KCNIP4: variants seen among roughly 807,000 people sequenced by gnomAD.
KCNIP4 encodes the protein potassium voltage-gated channel interacting protein 4, also known as Kv channel-interacting protein 4.
A neutral mutation model predicts 34.0 loss-of-function variants in KCNIP4; 12 were observed. That is an observed-to-expected ratio of 0.35 (90% confidence interval 0.23 to 0.57). KCNIP4 has a LOEUF of 0.57. Ranked by LOEUF, KCNIP4 falls within the 20% of genes least tolerant of loss-of-function variation. KCNIP4 has a pLI of 0.83. For synonymous variants in KCNIP4, 124 were observed against 102.2 expected (o/e 1.21, Z -1.29); for missense variants, 238 against 311.7 (o/e 0.76, Z 1.78).
At chr4:21,620,605 T>C (rs1455306523) in intron 1 of KCNIP4, among the ~76,000 whole-genome samples, 3 of 152,192 alleles carry the variant, frequency 2.0e-5, no homozygotes, top group South Asian at 2.1e-4. Context: ...GTTAACTGAA[T>C]AGAAAGAAAA....
intron 1 of KCNIP4, among the ~76,000 whole-genome samples, chr4:21,484,005 CTTT>C (rs35586015): frequency 6.8e-6 from 1 of 147,240 alleles, no homozygotes; most frequent in Admixed American, 6.8e-5. Flanking sequence ...CCAATTAAAC[CTTT>C]TTTTTTTTTA....
intron 1 of KCNIP4, among the ~76,000 whole-genome samples, chr4:21,821,374 A>AG (rs1722345534): frequency 6.6e-6 from 1 of 152,116 alleles, no homozygotes; most frequent in Non-Finnish European, 1.5e-5. Flanking sequence ...AGGTCACTGA[A>AG]TTTTTCCACC....
chr4:21,249,966 AT>A (rs1425206443), intron 1 of KCNIP4, among the ~76,000 whole-genome samples: 1 of 152,080 alleles, frequency 6.6e-6, no homozygotes, highest in African/African-American at 2.4e-5. Context: ...GACAAAGCTT[AT>A]TTCTGTGTAT....
intron 1 of KCNIP4, among the ~76,000 whole-genome samples, chr4:21,399,124 G>A (rs1389441992): frequency 6.6e-6 from 1 of 152,220 alleles, no homozygotes; most frequent in African/African-American, 2.4e-5. Flanking sequence ...AACCTAGATT[G>A]TAGGGAACTA....
intron 1 of KCNIP4, among the ~76,000 whole-genome samples, chr4:21,751,965 G>A (rs1423817592): frequency 6.6e-6 from 1 of 152,152 alleles, no homozygotes; most frequent in Admixed American, 6.5e-5. Flanking sequence ...TCTGCAGGTG[G>A]TATAAACACC....
At chr4:21,904,621 A>G (rs1157394597) in intron 1 of KCNIP4, among the ~76,000 whole-genome samples, 4 of 152,226 alleles carry the variant, frequency 2.6e-5, no homozygotes, top group Admixed American at 2.6e-4. Context: ...AGAAGACATA[A>G]ACTTTCTAAG....
At chr4:21,722,308 T>C (rs1215488749) in intron 1 of KCNIP4, among the ~76,000 whole-genome samples, 1 of 152,096 alleles carries the variant, frequency 6.6e-6, no homozygotes, top group Non-Finnish European at 1.5e-5. Context: ...TAGCCACACT[T>C]TAGGCATGTG....
At chr4:21,682,796 G>A (rs994728832) in intron 1 of KCNIP4, among the ~76,000 whole-genome samples, 3 of 152,194 alleles carry the variant, frequency 2.0e-5, no homozygotes, top group Non-Finnish European at 4.4e-5. Flanking sequence ...TAGCTGGTCA[G>A]TGTAGCAGTC....
At chr4:21,076,838 G>A (rs540882042) in intron 1 of KCNIP4, among the ~76,000 whole-genome samples, 2 of 152,142 alleles carry the variant, frequency 1.3e-5, no homozygotes, top group South Asian at 4.1e-4. Flanking sequence ...AAGAAGTGTT[G>A]GGGGCTGGGT....
chr4:21,494,994 T>C (rs78812979), intron 1 of KCNIP4, among the ~76,000 whole-genome samples: 2,966 of 152,184 alleles, frequency 0.019, 96 homozygotes, highest in East Asian at 0.12. Context: ...GAAAAAAAGA[T>C]AACCAAAGAA....
At chr4:20,963,728 C>A (rs76872197) in intron 1 of KCNIP4, among the ~76,000 whole-genome samples, 7 of 152,110 alleles carry the variant, frequency 4.6e-5, no homozygotes, top group African/African-American at 1.7e-4. Flanking sequence ...TTAAGGATAA[C>A]TGAGCTCAGA....
chr4:20,952,556 G>A (rs1431849817), intron 1 of KCNIP4, among the ~76,000 whole-genome samples: 3 of 152,054 alleles, frequency 2.0e-5, no homozygotes, highest in African/African-American at 4.8e-5. Flanking sequence ...AACCATGTAA[G>A]GTTGAGAAAT....
At chr4:21,661,019 C>A (rs1467787584) in intron 1 of KCNIP4, among the ~76,000 whole-genome samples, 3 of 151,984 alleles carry the variant, frequency 2.0e-5, no homozygotes. Flanking sequence ...CTATTCTGTG[C>A]CCATATAAAC....
intron 2 of KCNIP4, among the ~76,000 whole-genome samples, chr4:20,859,096 G>T (rs960561193): frequency 2.0e-4 from 31 of 152,146 alleles, no homozygotes; most frequent in Non-Finnish European, 2.1e-4. Flanking sequence ...TCTTTCCAGG[G>T]AAAATATGCC....
intron 1 of KCNIP4, among the ~76,000 whole-genome samples, chr4:20,897,121 G>C (rs1462840499): frequency 6.6e-6 from 1 of 151,550 alleles, no homozygotes; most frequent in Non-Finnish European, 1.5e-5. Context: ...ATATTGTCCA[G>C]TTTTTGTTTC....
chr4:21,413,749 G>A (rs1195144799), intron 1 of KCNIP4, among the ~76,000 whole-genome samples: 3 of 152,150 alleles, frequency 2.0e-5, no homozygotes, highest in Non-Finnish European at 4.4e-5. Context: ...CCTTTACCCT[G>A]GTTCTTATTT....
chr4:20,899,259 A>G (rs1438270412), intron 1 of KCNIP4, among the ~76,000 whole-genome samples: 4 of 152,206 alleles, frequency 2.6e-5, no homozygotes, highest in Non-Finnish European at 5.9e-5. Context: ...AATCAGGGAC[A>G]ACAAATCAAT....
At chr4:21,697,508 AAG>A (rs1209425487) in intron 1 of KCNIP4, 1 of 1,491,638 alleles carries the variant, frequency 6.7e-7, no homozygotes, top group Non-Finnish European at 8.8e-7. Flanking sequence ...TAATAATAAA[AAG>A]AGAGTCTCTG....
At chr4:21,022,638 A>C (rs1383803596) in intron 1 of KCNIP4, among the ~76,000 whole-genome samples, 1 of 152,226 alleles carries the variant, frequency 6.6e-6, no homozygotes, top group Non-Finnish European at 1.5e-5. Flanking sequence ...CATGCCAGAA[A>C]TAGTATATTA....
Sources: gnomAD v4.1 joint callset for allele counts (sites outside exome capture counted in the v4.1 genomes callset) on GRCh38, gnomAD v4.1.1 for gene constraint, MANE v1.5 for transcripts, NCBI Gene and HGNC (gene_info 2026-07-23, HGNC 2026-07-21) for gene names.